GPATCH2: variants seen among roughly 807,000 people sequenced by gnomAD.
The protein encoded by GPATCH2 is G patch domain-containing protein 2.
A neutral mutation model predicts 58.0 loss-of-function variants in GPATCH2; 51 were observed. The observed-to-expected ratio is 0.88, with a 90% CI of 0.70 to 1.11. The LOEUF (loss-of-function observed/expected upper bound fraction) is 1.11, where lower values mean the gene tolerates loss of function less well. GPATCH2 is among the 50% of genes most tolerant of loss of function. GPATCH2 has a pLI of 0.00. For synonymous variants in GPATCH2, 222 were observed against 218.5 expected (o/e 1.02, Z -0.14); for missense variants, 625 against 652.2 (o/e 0.96, Z 0.45).
chr1:217,591,628 G>A (rs994653067), intron 5 of GPATCH2, among the ~76,000 whole-genome samples: 1 of 152,066 alleles, frequency 6.6e-6, no homozygotes, highest in Non-Finnish European at 1.5e-5. Flanking sequence ...ACCATGCAAA[G>A]GTGACAACTG....
At chr1:217,551,675 G>C (rs1015292848) in intron 5 of GPATCH2, among the ~76,000 whole-genome samples, 1 of 152,106 alleles carries the variant, frequency 6.6e-6, no homozygotes, top group African/African-American at 2.4e-5. Flanking sequence ...TGTTGTATCT[G>C]AATATTTTTT....
At chr1:217,588,062 G>A (rs568194054) in intron 5 of GPATCH2, among the ~76,000 whole-genome samples, 3 of 152,228 alleles carry the variant, frequency 2.0e-5, no homozygotes, top group Admixed American at 1.3e-4. Context: ...AATGGTATTA[G>A]TGTATATGGA....
intron 9 of GPATCH2, among the ~76,000 whole-genome samples, chr1:217,436,138 G>T (rs1047731419): frequency 6.6e-6 from 1 of 150,598 alleles, no homozygotes; most frequent in Non-Finnish European, 1.5e-5. Flanking sequence ...TAATTAAACC[G>T]AAACATATTT....
intron 5 of GPATCH2, among the ~76,000 whole-genome samples, chr1:217,589,754 G>A (rs1163136855): frequency 2.0e-5 from 3 of 152,146 alleles, no homozygotes; most frequent in Non-Finnish European, 1.5e-5. Flanking sequence ...CAGTTGTCAA[G>A]GATCAGAAGG....
chr1:217,554,203 A>T (rs1269955675), intron 5 of GPATCH2, among the ~76,000 whole-genome samples: 3 of 152,180 alleles, frequency 2.0e-5, no homozygotes, highest in Non-Finnish European at 4.4e-5. Flanking sequence ...ATTTGAGTTT[A>T]TTGTTGTGCA....
chr1:217,571,394 C>A (rs1409060994), intron 5 of GPATCH2, among the ~76,000 whole-genome samples: 1 of 152,024 alleles, frequency 6.6e-6, no homozygotes, highest in Non-Finnish European at 1.5e-5. Flanking sequence ...CTTCCCCTCC[C>A]CCAAAATGAA....
chr1:217,567,315 G>A (rs973464784), intron 5 of GPATCH2, among the ~76,000 whole-genome samples: 1 of 152,118 alleles, frequency 6.6e-6, no homozygotes, highest in African/African-American at 2.4e-5. Context: ...CAAAGTGCTG[G>A]GATTACAGGC....
intron 5 of GPATCH2, among the ~76,000 whole-genome samples, chr1:217,605,828 C>G (rs1930298): frequency 6.6e-6 from 1 of 152,202 alleles, no homozygotes; most frequent in Admixed American, 6.5e-5. Flanking sequence ...ATATCCCACA[C>G]CTGATTCTGG....
chr1:217,591,829 T>C (rs1370137621), intron 5 of GPATCH2, among the ~76,000 whole-genome samples: 3 of 152,056 alleles, frequency 2.0e-5, no homozygotes, highest in Non-Finnish European at 4.4e-5. Context: ...AGAAACATGA[T>C]CTGATTTACT....
chr1:217,601,748 C>CTTCA (rs1361976216), intron 5 of GPATCH2, among the ~76,000 whole-genome samples: 2 of 152,126 alleles, frequency 1.3e-5, no homozygotes, highest in African/African-American at 4.8e-5. Context: ...CTCCAATCAA[C>CTTCA]TTCATATCCT....
At chr1:217,441,895 G>T (rs1221228179) in intron 9 of GPATCH2, among the ~76,000 whole-genome samples, 5 of 152,160 alleles carry the variant, frequency 3.3e-5, no homozygotes, top group African/African-American at 1.2e-4. Flanking sequence ...TTGTTGGTGG[G>T]AGTGCAAATT....
intron 6 of GPATCH2, among the ~76,000 whole-genome samples, chr1:217,501,712 G>A (rs1392747255): frequency 6.6e-6 from 1 of 151,932 alleles, no homozygotes; most frequent in Non-Finnish European, 1.5e-5. Context: ...ACATCTTTTT[G>A]TGTGCTTATT....
intron 8 of GPATCH2, among the ~76,000 whole-genome samples, chr1:217,455,030 C>T (rs1659878882): frequency 6.6e-6 from 1 of 152,174 alleles, no homozygotes; most frequent in Non-Finnish European, 1.5e-5. Context: ...TCGTGGATCA[C>T]AGCCTGACCA....
At chr1:217,477,833 C>A (rs563113393) in intron 8 of GPATCH2, among the ~76,000 whole-genome samples, 1 of 152,140 alleles carries the variant, frequency 6.6e-6, no homozygotes, top group South Asian at 2.1e-4. Flanking sequence ...AGTGTGGTTA[C>A]AACAGGCCTT....
chr1:217,480,405 C>T (rs141432677), intron 8 of GPATCH2, among the ~76,000 whole-genome samples: 25 of 152,276 alleles, frequency 1.6e-4, no homozygotes, highest in Non-Finnish European at 3.5e-4. Context: ...CCCAACATCA[C>T]TGATCATCGG....
chr1:217,471,239 C>T (rs1442892905), intron 8 of GPATCH2, among the ~76,000 whole-genome samples: 4 of 152,026 alleles, frequency 2.6e-5, no homozygotes, highest in African/African-American at 4.8e-5. Context: ...GCATCACTTG[C>T]TATTGTTGAT....
chr1:217,620,683 A>T (rs535203720), intron 1 of GPATCH2, among the ~76,000 whole-genome samples, 184 bp from the exon 2 acceptor site: 1 of 152,228 alleles, frequency 6.6e-6, no homozygotes, highest in East Asian at 1.9e-4. Flanking sequence ...CTCTTCTTAT[A>T]TAAGTTCTTT....
intron 8 of GPATCH2, among the ~76,000 whole-genome samples, chr1:217,466,766 C>G (rs1323981689): frequency 1.3e-5 from 2 of 151,504 alleles, no homozygotes; most frequent in Admixed American, 1.3e-4. Flanking sequence ...CAATGGTATA[C>G]CAGACTGAGA....
chr1:217,473,279 CAGTG>C (rs1558417431), intron 8 of GPATCH2, among the ~76,000 whole-genome samples: 2 of 115,178 alleles, frequency 1.7e-5, no homozygotes, highest in African/African-American at 7.2e-5. Flanking sequence ...AGGTTTAGTT[CAGTG>C]TGTGTGTGTG....
Sources: gnomAD v4.1 joint callset for allele counts (sites outside exome capture counted in the v4.1 genomes callset) on GRCh38, gnomAD v4.1.1 for gene constraint, MANE v1.5 for transcripts, NCBI Gene and HGNC (gene_info 2026-07-23, HGNC 2026-07-21) for gene names.